Variants in JAK1 observed in about 807,000 individuals in gnomAD.
JAK1 encodes tyrosine-protein kinase JAK1.
Under a neutral mutation model 136.6 loss-of-function variants are expected in JAK1, and 16 were observed. The ratio of observed to expected loss-of-function variants is 0.12; its 90% CI spans 0.08 to 0.18. JAK1 has a LOEUF of 0.18. Ranked by LOEUF, JAK1 falls within the 10% of genes least tolerant of loss-of-function variation. The probability of loss-of-function intolerance (pLI) is 1.00; values close to 1 mark genes in which losing one functional copy is unlikely to be tolerated. For missense variants in JAK1, 859 were observed against 1,450.1 expected, an observed-to-expected ratio of 0.59 and a Z score of 6.62; for synonymous variants, 492 against 519.5, an observed-to-expected ratio of 0.95 and a Z score of 0.72.
At chr1:65,034,384 G>C (rs557245721) in intron 2 of JAK1, among the ~76,000 whole-genome samples, 11 of 152,282 alleles carry the variant, frequency 7.2e-5, no homozygotes, top group African/African-American at 2.6e-4. Flanking sequence ...CTTAATAAAA[G>C]CTCATTACCC....
At chr1:65,024,015 A>G (rs1646958054) in intron 2 of JAK1, among the ~76,000 whole-genome samples, 1 of 144,498 alleles carries the variant, frequency 6.9e-6, no homozygotes, top group African/African-American at 2.6e-5. Flanking sequence ...CCAATCTCCT[A>G]TTGCTGGACA....
At chr1:64,873,311 C>T in intron 5 of JAK1, 59 bp downstream of exon 5, 1 of 1,601,242 alleles carries the variant, frequency 6.2e-7, no homozygotes, top group Admixed American at 1.7e-5. Context: ...GGGGTCTGAG[C>T]TCTACAATGC....
At chr1:64,834,698 C>G (rs1654360101) in intron 24 of JAK1, 41 bp from the exon 25 acceptor site, 1 of 1,274,316 alleles carries the variant, frequency 7.8e-7, no homozygotes, top group African/African-American at 1.5e-5. Flanking sequence ...AATGTTAGAT[C>G]TGGGAACTTT....
At chr1:65,015,748 CTT>C (rs1646887346) in intron 2 of JAK1, among the ~76,000 whole-genome samples, 1 of 152,246 alleles carries the variant, frequency 6.6e-6, no homozygotes, top group African/African-American at 2.4e-5. Context: ...ACAAAATAGA[CTT>C]TAAGCCAAAA....
At chr1:64,882,324 T>C (rs964046886) in intron 3 of JAK1, among the ~76,000 whole-genome samples, 2 of 152,226 alleles carry the variant, frequency 1.3e-5, no homozygotes, top group Non-Finnish European at 2.9e-5. Flanking sequence ...AGAGTTGTTC[T>C]GAGGGTTAAA....
intron 14 of JAK1, among the ~76,000 whole-genome samples, chr1:64,846,372 T>A (rs1655229577): frequency 6.6e-6 from 1 of 152,088 alleles, no homozygotes; most frequent in African/African-American, 2.4e-5. Flanking sequence ...CTTGACCTCA[T>A]TTCACTCACC....
intron 1 of JAK1, among the ~76,000 whole-genome samples, chr1:64,955,342 T>C (rs1646166377): frequency 6.6e-6 from 1 of 151,980 alleles, no homozygotes; most frequent in African/African-American, 2.4e-5. Context: ...ACACCGCTTG[T>C]TGGGGTAGGG....
intron 2 of JAK1, among the ~76,000 whole-genome samples, chr1:65,021,252 T>A (rs1646934769): frequency 6.6e-6 from 1 of 152,204 alleles, no homozygotes; most frequent in African/African-American, 2.4e-5. Context: ...TCCAGTGTTT[T>A]TCTTTTAAAA....
intron 4 of JAK1, among the ~76,000 whole-genome samples, chr1:64,878,561 G>GTGTATATATATA (rs1298801037): frequency 4.2e-5 from 5 of 119,984 alleles, no homozygotes; most frequent in Admixed American, 9.1e-5. Context: ...TATATAGTGT[G>GTGTATATATATA]TATATATATA....
chr1:64,966,022 G>A (rs375005974), intron 1 of JAK1, among the ~76,000 whole-genome samples: 3 of 151,834 alleles, frequency 2.0e-5, no homozygotes, highest in African/African-American at 2.4e-5. Flanking sequence ...CAGACAGCGC[G>A]CTCCGGGCTT....
chr1:65,004,635 G>A (rs1646789116), intron 2 of JAK1, among the ~76,000 whole-genome samples: 1 of 152,202 alleles, frequency 6.6e-6, no homozygotes, highest in Admixed American at 6.5e-5. Context: ...TGCAAAACAA[G>A]TAGATGTGAA....
chr1:65,010,675 T>C (rs1485006293), intron 2 of JAK1, among the ~76,000 whole-genome samples: 2 of 152,156 alleles, frequency 1.3e-5, no homozygotes, highest in Non-Finnish European at 2.9e-5. Flanking sequence ...CTAATACAAA[T>C]ATTCTTTATT....
rs1656759839 is a variant in JAK1, at chr1:64,867,197, T to C, written c.659A>G (p.Tyr220Cys). ...ELPKDISYKR[Y>C]IPETLNKSIR... is the part of the protein sequence containing the mutation. ...GGACTTATTCAATGTTTCTGGAATA[T>C]ATCGCTTGTAGCTAAAAGACAGTAG... Residue 220 changes from tyrosine to cysteine, a missense_variant, in exon 7 of 25, where the codon TAT becomes TGT. This residue lies in a region of JAK1 where 353 missense variants were observed against 494.0 expected (regional missense o/e 0.71). Transcript: ENST00000342505. 1 of 1,595,978 alleles carries C rather than the reference T, an allele frequency of 6.3e-7. No individual in the cohort carries two copies.
chr1:65,055,555 T>C (rs1241466021), intron 1 of JAK1, among the ~76,000 whole-genome samples: 4 of 152,212 alleles, frequency 2.6e-5, no homozygotes, highest in South Asian at 4.1e-4. Context: ...CTAGGTTTAA[T>C]TGCAATCTTA....
intron 11 of JAK1, among the ~76,000 whole-genome samples, chr1:64,854,413 A>G (rs1231851116): frequency 1.3e-5 from 2 of 152,192 alleles, no homozygotes; most frequent in Non-Finnish European, 2.9e-5. Context: ...GAAGGGCAGC[A>G]TCTTGAGGTG....
intron 1 of JAK1, among the ~76,000 whole-genome samples, chr1:64,909,581 AAGGATGAGGCAAG>A (rs770953386): frequency 6.6e-6 from 1 of 151,880 alleles, no homozygotes; most frequent in Non-Finnish European, 1.5e-5. Flanking sequence ...AGCACTTTGG[AAGGATGAGGCAAG>A]AGGATCTCTT....
intron 1 of JAK1, among the ~76,000 whole-genome samples, chr1:64,920,924 A>G (rs957866693): frequency 6.6e-6 from 1 of 152,238 alleles, no homozygotes; most frequent in African/African-American, 2.4e-5. Flanking sequence ...AGAAAAAATA[A>G]GAGACACAGT....
intron 1 of JAK1, among the ~76,000 whole-genome samples, chr1:64,902,632 G>A (rs994634330): frequency 6.8e-6 from 1 of 146,450 alleles, no homozygotes; most frequent in Non-Finnish European, 1.5e-5. Context: ...TAAGATGGAA[G>A]AGACTTGAGA....
At chr1:64,882,932 C>T (rs893360965) in intron 3 of JAK1, among the ~76,000 whole-genome samples, 3 of 152,192 alleles carry the variant, frequency 2.0e-5, no homozygotes, top group African/African-American at 4.8e-5. Context: ...TTACGTAGCA[C>T]CTCATCTAGT....
Sources: gnomAD v4.1 joint callset for allele counts (sites outside exome capture counted in the v4.1 genomes callset) on GRCh38, gnomAD v4.1.1 for gene constraint, gnomAD v4.1.1 regional missense constraint, MANE v1.5 for transcripts, NCBI Gene and HGNC (gene_info 2026-07-23, HGNC 2026-07-21) for gene names.